PRKAR1B: variants seen among roughly 807,000 people sequenced by gnomAD.
PRKAR1B encodes protein kinase cAMP-dependent type I regulatory subunit beta.
Under a neutral mutation model 46.5 loss-of-function variants are expected in PRKAR1B, and 22 were observed. That is an observed-to-expected ratio of 0.47 (90% confidence interval 0.34 to 0.68). The LOEUF (loss-of-function observed/expected upper bound fraction) is 0.68, where lower values mean the gene tolerates loss of function less well. Ranked by LOEUF, PRKAR1B falls within the 30% of genes least tolerant of loss-of-function variation. The probability of loss-of-function intolerance (pLI) is 0.01; values close to 1 mark genes in which losing one functional copy is unlikely to be tolerated. For missense variants in PRKAR1B, 445 were observed against 535.6 expected (o/e 0.83, Z 1.67); for synonymous variants, 259 against 217.7 (o/e 1.19, Z -1.67).
rs543660665 is a variant in PRKAR1B, at chr7:723,590, C to T, written c.-23+3620G>A. ...TGAAGTCCCACCACCGTAATTCAAGCGCTTATTCTTTCTCGTCTTCAGCAC... is the reference window on the plus strand; with the variant it reads ...TGAAGTCCCACCACCGTAATTCAAGTGCTTATTCTTTCTCGTCTTCAGCAC... On this transcript the variant is annotated intron_variant, in intron 1 of 10. Coordinates refer to ENST00000537384, the MANE Select transcript of PRKAR1B (RefSeq NM_001164760.2). Among the ~76,000 whole-genome samples the T allele has an allele frequency of 6.6e-5, 10 of 152,338 alleles. No individual in the cohort carries two copies. In the South Asian group the frequency reaches 1.0e-3, roughly 16 times the overall value.
At chr7:717,925 A>T (rs1490071376) in intron 1 of PRKAR1B, among the ~76,000 whole-genome samples, 1 of 152,006 alleles carries the variant, frequency 6.6e-6, no homozygotes, top group Non-Finnish European at 1.5e-5. Flanking sequence ...AAAGGTGAGG[A>T]GTGAGCATCA....
intron 4 of PRKAR1B, among the ~76,000 whole-genome samples, chr7:610,013 G>A: frequency 6.6e-6 from 1 of 152,188 alleles, no homozygotes. Flanking sequence ...AAAGTGCTGG[G>A]ATTACAGGCA....
chr7:573,765 A>C (rs1391263392), intron 9 of PRKAR1B, among the ~76,000 whole-genome samples: 3 of 152,222 alleles, frequency 2.0e-5, no homozygotes, highest in Admixed American at 2.0e-4. Flanking sequence ...TTGTGCTCGC[A>C]AGACTGGGAT....
intron 2 of PRKAR1B, among the ~76,000 whole-genome samples, chr7:702,902 T>C (rs1358850939): frequency 6.6e-6 from 1 of 151,722 alleles, no homozygotes; most frequent in Non-Finnish European, 1.5e-5. Context: ...ATATATACTA[T>C]ATGTACTACA....
At chr7:673,631 A>G (rs2128503424) in intron 4 of PRKAR1B, among the ~76,000 whole-genome samples, 1 of 151,068 alleles carries the variant, frequency 6.6e-6, no homozygotes, top group Non-Finnish European at 1.5e-5. Flanking sequence ...CCTGGGCAAC[A>G]GAGTGAGACT....
intron 4 of PRKAR1B, among the ~76,000 whole-genome samples, chr7:669,034 C>G (rs1455983565): frequency 6.6e-6 from 1 of 152,216 alleles, no homozygotes; most frequent in South Asian, 2.1e-4. Flanking sequence ...CCCATGTTCA[C>G]AGCAGCACTA....
At chr7:698,935 C>T (rs1441622210) in intron 2 of PRKAR1B, among the ~76,000 whole-genome samples, 1 of 152,236 alleles carries the variant, frequency 6.6e-6, no homozygotes, top group Non-Finnish European at 1.5e-5. Context: ...GGTGATTCAG[C>T]CTCTCCCTCC....
At chr7:721,116 G>C (rs1446375554) in intron 1 of PRKAR1B, among the ~76,000 whole-genome samples, 1 of 152,172 alleles carries the variant, frequency 6.6e-6, no homozygotes, top group Non-Finnish European at 1.5e-5. Flanking sequence ...TCCACCTTGA[G>C]TGAGTGGACA....
intron 9 of PRKAR1B, among the ~76,000 whole-genome samples, chr7:573,307 G>A (rs1346036692): frequency 6.6e-6 from 1 of 152,190 alleles, no homozygotes. Flanking sequence ...GCTGTTTTAT[G>A]TGAATCTGCA....
At chr7:613,793 C>A (rs1382667980) in intron 4 of PRKAR1B, among the ~76,000 whole-genome samples, 4 of 152,240 alleles carry the variant, frequency 2.6e-5, no homozygotes, top group African/African-American at 9.6e-5. Context: ...TCCGGGCCTC[C>A]CGAGCCAAGA....
intron 2 of PRKAR1B, among the ~76,000 whole-genome samples, chr7:690,595 A>T (rs1051815875): frequency 6.6e-6 from 1 of 152,196 alleles, no homozygotes; most frequent in Non-Finnish European, 1.5e-5. Flanking sequence ...ACACAAACAA[A>T]TTGGAAGGAA....
chr7:619,968 A>G (rs981069506), intron 4 of PRKAR1B, among the ~76,000 whole-genome samples: 1 of 151,422 alleles, frequency 6.6e-6, no homozygotes, highest in African/African-American at 2.4e-5. Context: ...CTCCTGCCTC[A>G]GCCTCCTGAG....
At chr7:677,412 G>T in intron 3 of PRKAR1B, 92 bp from the exon 4 acceptor site, 1 of 1,038,058 alleles carries the variant, frequency 9.6e-7, no homozygotes. Flanking sequence ...TCAGCCTGCT[G>T]TTATCAGGCA....
chr7:717,427 G>A (rs564338961), intron 1 of PRKAR1B, among the ~76,000 whole-genome samples: 4 of 152,086 alleles, frequency 2.6e-5, no homozygotes, highest in Non-Finnish European at 5.9e-5. Context: ...GGGGCCAAAA[G>A]AGGAGGATCA....
At chr7:596,348 GTGACCTCCTCTGCAT>G (rs779340593) in intron 6 of PRKAR1B, 44 bp from the exon 7 acceptor site, 2 of 1,578,922 alleles carry the variant, frequency 1.3e-6, no homozygotes, top group Admixed American at 3.4e-5. Context: ...GCCAGGCAGG[GTGACCTCCTCTGCAT>G]CCCATACAGA....
At chr7:555,810 G>A (rs927885492) in intron 9 of PRKAR1B, among the ~76,000 whole-genome samples, 3 of 152,192 alleles carry the variant, frequency 2.0e-5, no homozygotes, top group East Asian at 1.9e-4. Flanking sequence ...GCAGTCACCC[G>A]TGGTGGTGGC....
rs1479523179 is a variant in PRKAR1B, at chr7:578,470, C to T, written c.891+786G>A. On this transcript the variant is annotated intron_variant, in intron 9 of 10. Transcript: ENST00000537384. ...ATTAAACTTTTAATTTTGCCATCAT[C>T]GTACATTTGAGTGCGGTTGTTAGAA... is the stretch of plus-strand genomic sequence containing the variant. Among the ~76,000 whole-genome samples the T allele has an allele frequency of 2.0e-5, 3 of 152,294 alleles. No homozygotes were observed. The East Asian group carries it at 5.8e-4, about 29-fold the overall frequency.
intron 4 of PRKAR1B, among the ~76,000 whole-genome samples, chr7:648,182 T>C (rs1314165414): frequency 6.6e-6 from 1 of 152,052 alleles, no homozygotes; most frequent in Non-Finnish European, 1.5e-5. Context: ...ACTACGTACC[T>C]CTTCACTTGT....
chr7:589,981 G>A (rs145874210), intron 7 of PRKAR1B, among the ~76,000 whole-genome samples: 2 of 152,362 alleles, frequency 1.3e-5, no homozygotes, highest in Non-Finnish European at 2.9e-5. Flanking sequence ...CTCTGGACAT[G>A]TTCAATGGCA....
Sources: gnomAD v4.1 joint callset for allele counts (sites outside exome capture counted in the v4.1 genomes callset) on GRCh38, gnomAD v4.1.1 for gene constraint, MANE v1.5 for transcripts, NCBI Gene and HGNC (gene_info 2026-07-23, HGNC 2026-07-21) for gene names.